The following PPM1E variants were observed in gnomAD, a reference collection of about 807,000 sequenced individuals.
PPM1E encodes the protein protein phosphatase, Mg2+/Mn2+ dependent 1E, also known as protein phosphatase 1E.
Under a neutral mutation model 65.9 loss-of-function variants are expected in PPM1E, and 20 were observed. The observed-to-expected ratio is 0.30, with a 90% CI of 0.21 to 0.44. PPM1E has a LOEUF of 0.44. PPM1E is among the 20% of genes least tolerant of loss of function. PPM1E has a pLI of 1.00. For missense variants in PPM1E, 713 were observed against 953.1 expected (o/e 0.75, Z 3.32); for synonymous variants, 352 against 374.9 (o/e 0.94, Z 0.70).
intron 1 of PPM1E, among the ~76,000 whole-genome samples, chr17:58,914,942 G>A (rs115624678): frequency 0.017 from 2,551 of 152,154 alleles, 51 homozygotes; most frequent in African/African-American, 0.058. Flanking sequence ...GTCCATATGG[G>A]GGAGAGGAAA....
intron 1 of PPM1E, 23 bp downstream of exon 1, chr17:58,756,484 G>A: frequency 7.9e-7 from 1 of 1,269,602 alleles, no homozygotes. Flanking sequence ...GGCTTGGCTG[G>A]TGGTGGGCCC....
intron 1 of PPM1E, among the ~76,000 whole-genome samples, chr17:58,759,202 G>A (rs150019899): frequency 0.011 from 1,749 of 152,268 alleles, 15 homozygotes; most frequent in Middle Eastern, 0.041. Context: ...ACAGGAGGCC[G>A]AGGCTGCAGT....
At chr17:58,811,505 G>A (rs376119034) in intron 1 of PPM1E, among the ~76,000 whole-genome samples, 40 of 152,150 alleles carry the variant, frequency 2.6e-4, no homozygotes, top group South Asian at 1.7e-3. Flanking sequence ...TATGCATTGC[G>A]CAATCTGAAC....
chr17:58,759,002 G>A (rs2049796856), intron 1 of PPM1E, among the ~76,000 whole-genome samples: 1 of 152,066 alleles, frequency 6.6e-6, no homozygotes, highest in South Asian at 2.1e-4. Context: ...CCCAGGAGGC[G>A]GAGGTTGCAG....
At chr17:58,843,257 C>T (rs1452420508) in intron 1 of PPM1E, among the ~76,000 whole-genome samples, 4 of 148,000 alleles carry the variant, frequency 2.7e-5, no homozygotes, top group Admixed American at 6.8e-5. Flanking sequence ...ACCTGAGAGG[C>T]GGAGTTTTCA....
intron 1 of PPM1E, among the ~76,000 whole-genome samples, chr17:58,916,524 G>T (rs1051266983): frequency 1.3e-5 from 2 of 152,170 alleles, no homozygotes; most frequent in African/African-American, 4.8e-5. Context: ...TACTCAGGAG[G>T]CTGAGGCTGG....
intron 4 of PPM1E, among the ~76,000 whole-genome samples, chr17:58,971,488 T>C (rs1184413070): frequency 2.0e-5 from 3 of 152,132 alleles, no homozygotes; most frequent in African/African-American, 7.2e-5. Flanking sequence ...TGCAGTGAAA[T>C]TCCAGGCTGT....
chr17:58,847,303 T>C lies in PPM1E; in HGVS notation c.464+90842T>C, dbSNP rs1190198917. Among the ~76,000 whole-genome samples the C allele has an allele frequency of 2.6e-5, 4 of 152,340 alleles. 1 individual carries two copies. The highest frequency in any genetic ancestry group is 4.1e-4 in the South Asian group (2 of 4,832). The stretch of plus-strand genomic sequence containing the variant: ...GATCCCATTTTTCAATTTTGGCTTT[T>C]GTTGCCATTGCTTTTGGTGTTTTAG... On this transcript the variant is annotated intron_variant, in intron 1 of 6. Transcript: ENST00000308249.
At chr17:58,929,577 A>G (rs1370844005) in intron 1 of PPM1E, among the ~76,000 whole-genome samples, 1 of 152,190 alleles carries the variant, frequency 6.6e-6, no homozygotes, top group Non-Finnish European at 1.5e-5. Context: ...TGATCAATAG[A>G]TAGCAAAATA....
Position 58,775,087 on chromosome 17 carries a change from G to A in PPM1E, c.464+18626G>A, listed in dbSNP as rs371476765. On this transcript the variant is annotated intron_variant, in intron 1 of 6. Transcript: ENST00000308249. ...GGGATGCTTGTGATCTCTTGATCAC[G>A]TGATCCAGCTGCCTCGGCCTCCCAA... 1.8e-3 allele frequency among the ~76,000 whole-genome samples: 267 copies of A among 152,240 alleles called. 5 individuals are homozygous for A. In the South Asian group the frequency reaches 0.05, roughly 28 times the overall value.
intron 1 of PPM1E, among the ~76,000 whole-genome samples, chr17:58,850,587 G>C (rs1176792696): frequency 1.3e-5 from 2 of 152,186 alleles, no homozygotes; most frequent in Non-Finnish European, 2.9e-5. Flanking sequence ...TTTTCTGTAA[G>C]AATGTTGAAT....
intron 1 of PPM1E, among the ~76,000 whole-genome samples, chr17:58,826,668 C>T (rs1026468862): frequency 6.6e-6 from 1 of 152,120 alleles, no homozygotes; most frequent in African/African-American, 2.4e-5. Context: ...CTCTGTCGCC[C>T]AGGCTAGAGT....
chr17:58,814,669 T>A (rs927341342), intron 1 of PPM1E, among the ~76,000 whole-genome samples: 1 of 152,218 alleles, frequency 6.6e-6, no homozygotes, highest in Non-Finnish European at 1.5e-5. Flanking sequence ...TTGACAATGT[T>A]TTTTTTCTGT....
chr17:58,866,627 C>T (rs1400936663), intron 1 of PPM1E, among the ~76,000 whole-genome samples: 1 of 152,070 alleles, frequency 6.6e-6, no homozygotes, highest in South Asian at 2.1e-4. Context: ...CTGTCAACTA[C>T]CTCCATAGCT....
chr17:58,911,359 C>A (rs966127938), intron 1 of PPM1E, among the ~76,000 whole-genome samples: 1 of 152,142 alleles, frequency 6.6e-6, no homozygotes, highest in African/African-American at 2.4e-5. Flanking sequence ...ATTTTTTTCT[C>A]TTTATTTTAA....
intron 1 of PPM1E, among the ~76,000 whole-genome samples, chr17:58,922,496 C>T (rs2051765321): frequency 6.6e-6 from 1 of 152,030 alleles, no homozygotes; most frequent in Non-Finnish European, 1.5e-5. Flanking sequence ...TCAAGCAATC[C>T]TCCTACTTCA....
At chr17:58,798,525 ATTTT>A (rs78922975) in intron 1 of PPM1E, among the ~76,000 whole-genome samples, 3 of 89,848 alleles carry the variant, frequency 3.3e-5, no homozygotes, top group African/African-American at 8.2e-5. Context: ...ACACGGCCCT[ATTTT>A]TTTTTTTTTT....
intron 1 of PPM1E, among the ~76,000 whole-genome samples, chr17:58,854,243 T>C (rs1361861833): frequency 6.6e-6 from 1 of 152,218 alleles, no homozygotes; most frequent in Non-Finnish European, 1.5e-5. Flanking sequence ...GATTTTTGTG[T>C]GTTGACTTTG....
At chr17:58,858,563 G>A (rs1181679291) in intron 1 of PPM1E, among the ~76,000 whole-genome samples, 1 of 151,416 alleles carries the variant, frequency 6.6e-6, no homozygotes, top group African/African-American at 2.4e-5. Flanking sequence ...GAGTATATGC[G>A]GTGTTTAACT....
Sources: gnomAD v4.1 joint callset for allele counts (sites outside exome capture counted in the v4.1 genomes callset) on GRCh38, gnomAD v4.1.1 for gene constraint, MANE v1.5 for transcripts, NCBI Gene and HGNC (gene_info 2026-07-23, HGNC 2026-07-21) for gene names.